Variants in CHD9 observed in about 807,000 individuals in gnomAD.
CHD9 encodes chromodomain helicase DNA binding protein 9, also known as ATP-dependent chromatin remodeler CHD9.
In CHD9, 77 loss-of-function variants were observed where a neutral mutation model predicts 316.1. That is an observed-to-expected ratio of 0.24 (90% CI 0.20 to 0.29). The LOEUF is 0.29. Ranked by LOEUF, CHD9 falls within the 10% of genes least tolerant of loss-of-function variation. CHD9 has a pLI of 1.00. For synonymous variants in CHD9, 1,129 were observed against 1,158.3 expected, an observed-to-expected ratio of 0.97 and a Z score of 0.51; for missense variants, 2,763 against 3,438.1, an observed-to-expected ratio of 0.80 and a Z score of 4.91.
intron 1 of CHD9, among the ~76,000 whole-genome samples, chr16:53,115,906 G>C (rs1228367193): frequency 6.6e-6 from 1 of 152,178 alleles, no homozygotes; most frequent in African/African-American, 2.4e-5. Context: ...AGAAGGAGCA[G>C]CTGTACCTAG....
chr16:53,182,961 A>G (rs1255979202), intron 2 of CHD9, among the ~76,000 whole-genome samples: 2 of 152,202 alleles, frequency 1.3e-5, no homozygotes, highest in Non-Finnish European at 2.9e-5. Context: ...ATGTGAGACT[A>G]TATATTAGCT....
chr16:53,308,373 G>A (rs902954503), intron 33 of CHD9, among the ~76,000 whole-genome samples: 2 of 152,082 alleles, frequency 1.3e-5, no homozygotes, highest in African/African-American at 4.8e-5. Flanking sequence ...CCTCCAAAAT[G>A]TCATATGAAT....
Position 53,242,891 on chromosome 16 carries a change from G to A in CHD9, c.2929G>A (p.Glu977Lys). ...YRFQAIITTF[E>K]MILGGCGELN... ...ATTCCAAGCCATCATCACCACTTTT[G>A]AAATGATTCTTGGAGGCTGTGGAGA... Residue 977 changes from glutamate to lysine, a missense_variant, in exon 13 of 39, where the codon GAA (glutamate) becomes AAA (lysine). By Grantham distance (56) the Glu-to-Lys change is moderately conservative. Around this residue, in one of 15 missense-constraint regions of CHD9, gnomAD observed 155 missense variants for 291.8 expected, o/e 0.53. Coordinates refer to ENST00000447540, the MANE Select transcript of CHD9 (RefSeq NM_001308319.2). The A allele has an allele frequency of 6.2e-7, 1 of 1,613,486 alleles. No homozygotes were observed. Among genetic ancestry groups the A allele is most frequent in the Non-Finnish European group, 8.5e-7 (1 of 1,179,632 alleles).
intron 1 of CHD9, among the ~76,000 whole-genome samples, chr16:53,064,392 G>T: frequency 6.6e-6 from 1 of 151,494 alleles, no homozygotes; most frequent in Non-Finnish European, 1.5e-5. Context: ...ACTTTTTTTT[G>T]CAGGTTTCCC....
intron 1 of CHD9, among the ~76,000 whole-genome samples, chr16:53,120,404 G>A (rs866043004): frequency 2.6e-5 from 4 of 151,400 alleles, no homozygotes; most frequent in Admixed American, 6.6e-5. Flanking sequence ...ACCTGAGGTC[G>A]GGAGTTTGAG....
Position 53,286,239 on chromosome 16 carries a change from T to C in CHD9, c.5085T>C (p.Tyr1695=). The C allele has an allele frequency of 6.2e-7, 1 of 1,604,970 alleles. No homozygotes were observed. The highest frequency in any genetic ancestry group is 1.3e-5 in the African/African-American group (1 of 74,808). ...IGVFKHGYEK[Y]NTIRADPALC... ...TGATGTTTTCAGGATATGAAAAATA[T>C]AACACTATTCGAGCAGACCCAGCAT... The change falls in exon 26 of 39, where the codon TAT becomes TAC. Residue 1695 remains tyrosine, a synonymous_variant. Coordinates refer to ENST00000447540, the MANE Select transcript of CHD9 (RefSeq NM_001308319.2).
In CHD9 at chr16:53,255,784, TAGTG is replaced by T. The variant is rs761050501; in HGVS notation, c.4209+6_4209+9del. 116 of 1,612,710 alleles carry T rather than the reference TAGTG, an allele frequency of 7.2e-5. No homozygotes were observed. Among genetic ancestry groups the T allele is most frequent in the Non-Finnish European group, 9.7e-5 (114 of 1,179,054 alleles). On this transcript the variant is annotated splice_donor_region_variant and intron_variant, in intron 19 of 38. Transcript: ENST00000447540. ...CGTGGGTCAACATTTGCCAAGGTAATAGTGGGTGCAATTTTATTAACATAGCAGT... is the reference window on the plus strand; with the variant it reads ...CGTGGGTCAACATTTGCCAAGGTAATGGTGCAATTTTATTAACATAGCAGT...
chr16:53,107,513 T>TGAAATGAAATGAAATGAA (rs2037464824), intron 1 of CHD9, among the ~76,000 whole-genome samples: 1 of 143,190 alleles, frequency 7.0e-6, no homozygotes, highest in African/African-American at 2.7e-5. Context: ...TAAAATAAAA[T>TGAAATGAAATGAAATGAA]ATAAAATAAA....
intron 1 of CHD9, among the ~76,000 whole-genome samples, chr16:53,059,915 G>C (rs1370613754): frequency 6.6e-6 from 1 of 152,246 alleles, no homozygotes; most frequent in Non-Finnish European, 1.5e-5. Flanking sequence ...AGTAAAAGCA[G>C]CCGTAGATGG....
chr16:53,212,504 A>G (rs1420868527), intron 3 of CHD9, among the ~76,000 whole-genome samples: 1 of 152,104 alleles, frequency 6.6e-6, no homozygotes, highest in Non-Finnish European at 1.5e-5. Context: ...CATATATGTG[A>G]TTTGATGTAA....
intron 38 of CHD9, among the ~76,000 whole-genome samples, chr16:53,322,016 T>C (rs1373044931): frequency 7.1e-6 from 1 of 139,970 alleles, no homozygotes; most frequent in South Asian, 2.3e-4. Context: ...TTTTTTTTTT[T>C]AGACAGGATC....
intron 1 of CHD9, among the ~76,000 whole-genome samples, chr16:53,091,246 A>G (rs113104734): frequency 0.016 from 2,402 of 152,306 alleles, 26 homozygotes; most frequent in Non-Finnish European, 0.024. Flanking sequence ...GACAGCATAG[A>G]ACTGAGCTGC....
chr16:53,231,870 A>G (rs1284280979), intron 10 of CHD9, 86 bp downstream of exon 10: 68 of 1,249,630 alleles, frequency 5.4e-5, no homozygotes, highest in Non-Finnish European at 7.1e-5. Flanking sequence ...ATAATGTTTT[A>G]CTTTCATTTC....
At chr16:53,320,185 G>T (rs1453841139) in intron 37 of CHD9, among the ~76,000 whole-genome samples, 1 of 141,438 alleles carries the variant, frequency 7.1e-6, no homozygotes, top group Non-Finnish European at 1.5e-5. Context: ...AAAAGTGAGT[G>T]AGTGAGTCTC....
rs748457587 is a variant in CHD9 at position 53,093,350 on chromosome 16, C to T, written c.-165+38273C>T. Among the ~76,000 whole-genome samples the T allele has an allele frequency of 2.8e-3, 425 of 152,306 alleles. 1 individual carries two copies. Among genetic ancestry groups the T allele is most frequent in the Middle Eastern group, 0.014 (4 of 294 alleles). On this transcript the variant is annotated intron_variant, in intron 1 of 38. Coordinates refer to ENST00000447540, the MANE Select transcript of CHD9 (RefSeq NM_001308319.2). ...CCCCATTTATTGGGTTGTTGTAAAG[C>T]TTAGATGGGATTATCTATTACAGCC...
At chr16:53,295,639 G>A (rs998177876) in intron 29 of CHD9, among the ~76,000 whole-genome samples, 11 of 151,884 alleles carry the variant, frequency 7.2e-5, no homozygotes, top group Admixed American at 3.9e-4. Flanking sequence ...TCAATTAATC[G>A]TTTTTCCCAT....
Position 53,307,676 on chromosome 16 carries a change from T to C in CHD9, c.6781-5T>C. 1 of 1,596,602 alleles carries C rather than the reference T, an allele frequency of 6.3e-7. No individual in the cohort carries two copies. Among genetic ancestry groups the C allele is most frequent in the Admixed American group, 1.8e-5 (1 of 57,048 alleles). On this transcript the variant is annotated splice_region_variant and splice_polypyrimidine_tract_variant and intron_variant, in intron 32 of 38. Transcript: ENST00000447540. ...ATTACACTTTGATGTTGCACGCTTTTCTAGGATCGTGTGATGATCAATAGG... is the reference window on the plus strand; with the variant it reads ...ATTACACTTTGATGTTGCACGCTTTCCTAGGATCGTGTGATGATCAATAGG...
chr16:53,293,033 A>G lies in CHD9; in HGVS notation c.5491A>G (p.Lys1831Glu). The change falls in exon 29 of 39, where the codon AAG (lysine) becomes GAG (glutamate). Residue 1831 changes from lysine (K) to glutamate (E), a missense_variant. Physicochemically the swap from Lys to Glu is moderately conservative, Grantham distance 56. This residue lies in a region of CHD9 where 183 missense variants were observed against 258.5 expected (regional missense o/e 0.71). Transcript: ENST00000447540. ...EATLNPKMAAKIERQQRWTRR... is the reference protein window; with the variant it reads ...EATLNPKMAAEIERQQRWTRR... ...CACTCTTAATCCTAAAATGGCAGCC[A>G]AGATAGAAAGACAGCAAAGGTAAGA... 1.9e-6 allele frequency: 3 copies of G among 1,613,158 alleles called. No individual in the cohort carries two copies. Among genetic ancestry groups the G allele is most frequent in the Non-Finnish European group, 2.5e-6 (3 of 1,179,484 alleles).
Position 53,292,935 on chromosome 16 carries a change from A to G in CHD9, c.5393A>G (p.Asn1798Ser), listed in dbSNP as rs1381047417. ...ACTGCATACCAGCGTACTAATAAAA[A>G]CAGACAAATTCAGCAGATACAACCG... The part of the protein sequence containing the change: ...LITAYQRTNK[N>S]RQIQQIQPTF... Residue 1798 changes from asparagine (N) to serine (S), a missense_variant, in exon 29 of 39, where the codon AAC becomes AGC. Transcript: ENST00000447540. The G allele has an allele frequency of 8.1e-6, 13 of 1,613,648 alleles. No individual in the cohort carries two copies. Among genetic ancestry groups the G allele is most frequent in the Non-Finnish European group, 1.1e-5 (13 of 1,179,814 alleles).
Sources: allele counts gnomAD v4.1 joint callset (sites outside exome capture counted in the v4.1 genomes callset), GRCh38; gene constraint gnomAD v4.1.1; regional missense constraint gnomAD v4.1.1; transcripts MANE v1.5; gene names NCBI Gene and HGNC (gene_info 2026-07-23, HGNC 2026-07-21).